REV1: variants seen among roughly 807,000 people sequenced by gnomAD.
REV1 encodes the protein translesion synthesis protein REV1.
A neutral mutation model predicts 137.4 loss-of-function variants in REV1; 42 were observed. The ratio of observed to expected loss-of-function variants is 0.31; its 90% CI spans 0.24 to 0.40. The LOEUF (loss-of-function observed/expected upper bound fraction) is 0.40. Ranked by LOEUF, REV1 falls within the 10% of genes least tolerant of loss-of-function variation. REV1 has a pLI of 1.00. For synonymous variants in REV1, 524 were observed against 519.2 expected (o/e 1.01, Z -0.12); for missense variants, 1,282 against 1,490.1 (o/e 0.86, Z 2.30).
At chr2:99,407,949 A>G (rs1396524932) in intron 15 of REV1, 80 bp downstream of exon 15, 7 of 813,420 alleles carry the variant, frequency 8.6e-6, no homozygotes, top group Non-Finnish European at 1.3e-5. Flanking sequence ...TACACCAGCA[A>G]TAACCCTTTT....
intron 9 of REV1, among the ~76,000 whole-genome samples, chr2:99,426,775 G>A (rs762010335): frequency 3.3e-5 from 5 of 152,140 alleles, no homozygotes; most frequent in African/African-American, 9.7e-5. Context: ...CCAAAACTTC[G>A]TTAAGTGTAT....
intron 22 of REV1, 108 bp downstream of exon 22, chr2:99,402,136 T>TTAACCCTAATGAG (rs1675549779): frequency 2.9e-5 from 17 of 585,674 alleles, no homozygotes; most frequent in Non-Finnish European, 4.6e-5. Context: ...CACTTTCTCA[T>TTAACCCTAATGAG]TAACCCTAAT....
At chr2:99,407,235 A>C (rs952931343) in intron 15 of REV1, among the ~76,000 whole-genome samples, 5 of 151,320 alleles carry the variant, frequency 3.3e-5, no homozygotes, top group African/African-American at 1.2e-4. Context: ...ACTATGAGGC[A>C]TGCACCACCA....
intron 1 of REV1, among the ~76,000 whole-genome samples, chr2:99,486,615 T>C (rs1288345180): frequency 6.6e-6 from 1 of 152,176 alleles, no homozygotes. Context: ...GTAGGTATTA[T>C]TACAGTCATC....
At chr2:99,417,136 A>C (rs919438877) in intron 12 of REV1, among the ~76,000 whole-genome samples, 3 of 151,820 alleles carry the variant, frequency 2.0e-5, no homozygotes, top group African/African-American at 7.3e-5. Context: ...ATGTGACTGT[A>C]TTTGTTTTTG....
rs919847060 is a variant in REV1 at position 99,401,223 on chromosome 2, C to T, written c.*18G>A. The stretch of plus-strand genomic sequence containing the variant: ...TTATGGCACAGCTATCAGAGAGCAT[C>T]AGGCTCTCTGGTAATATTTATGTAA... On this transcript the variant is annotated 3_prime_UTR_variant, in exon 23 of 23. Coordinates refer to ENST00000258428, the MANE Select transcript of REV1 (RefSeq NM_016316.4). 1.4e-6 allele frequency: 2 copies of T among 1,440,038 alleles called. No homozygotes were observed. The highest frequency in any genetic ancestry group is 9.8e-7 in the Non-Finnish European group (1 of 1,021,796). The allele number at this position is 1,440,038 out of a possible 1,614,324, so 89.2% of individuals were successfully genotyped here. A position where few individuals can be genotyped will look rare whatever the true frequency, so the allele number is the denominator to read the frequency against.
At chr2:99,418,698 G>A (rs570602444) in intron 12 of REV1, 130 bp downstream of exon 12, 13 of 698,390 alleles carry the variant, frequency 1.9e-5, no homozygotes, top group South Asian at 3.8e-5. Context: ...GTTTTTCATG[G>A]CACTCAATAA....
intron 9 of REV1, among the ~76,000 whole-genome samples, chr2:99,425,103 T>C (rs6723062): frequency 0.031 from 4,768 of 152,246 alleles, 194 homozygotes; most frequent in African/African-American, 0.094. Flanking sequence ...AAATTACATA[T>C]TATATAATAG....
At chr2:99,452,421 T>TAAA (rs577767878) in intron 3 of REV1, among the ~76,000 whole-genome samples, 12 of 125,436 alleles carry the variant, frequency 9.6e-5, no homozygotes, top group Admixed American at 4.2e-4. Flanking sequence ...AGAGCCTGTC[T>TAAA]AAAAAAAAAA....
intron 14 of REV1, among the ~76,000 whole-genome samples, chr2:99,408,983 C>A (rs1676722293): frequency 1.3e-5 from 2 of 152,144 alleles, no homozygotes; most frequent in African/African-American, 4.8e-5. Flanking sequence ...ATTACTTCAT[C>A]TGCTTATAGA....
chr2:99,445,692 A>T (rs1027015363), intron 4 of REV1, among the ~76,000 whole-genome samples: 1 of 152,218 alleles, frequency 6.6e-6, no homozygotes, highest in Non-Finnish European at 1.5e-5. Flanking sequence ...TTAATACACT[A>T]TGTACAAGTG....
intron 3 of REV1, among the ~76,000 whole-genome samples, chr2:99,454,550 CAAAAAAAAAAAAAAAAAAAAAA>C (rs373850478): frequency 6.1e-4 from 50 of 82,366 alleles, no homozygotes; most frequent in East Asian, 4.4e-3. Context: ...AACTCCAGCT[CAAAAAAAAAAAAAAAAAAAAAA>C]AAAAAAAAAA....
At chr2:99,406,734 G>T in intron 15 of REV1, 1 of 311,456 alleles carries the variant, frequency 3.2e-6, no homozygotes, top group Non-Finnish European at 5.8e-6. Context: ...TATACCAAAA[G>T]ATCTTTAAAA....
At chr2:99,453,025 G>A (rs932602415) in intron 3 of REV1, among the ~76,000 whole-genome samples, 1 of 152,152 alleles carries the variant, frequency 6.6e-6, no homozygotes, top group Non-Finnish European at 1.5e-5. Context: ...GGAATTAAGA[G>A]CTAAAAATTA....
chr2:99,450,724 C>A (rs1279943668), intron 3 of REV1, among the ~76,000 whole-genome samples: 3 of 152,006 alleles, frequency 2.0e-5, no homozygotes, highest in Non-Finnish European at 4.4e-5. Context: ...TTTATTTAAC[C>A]CAATATATCC....
intron 11 of REV1, among the ~76,000 whole-genome samples, chr2:99,421,130 G>A (rs1445437600): frequency 2.6e-5 from 4 of 152,062 alleles, no homozygotes; most frequent in Non-Finnish European, 5.9e-5. Flanking sequence ...TCCATGTGCC[G>A]GGAGGCTGAA....
intron 1 of REV1, among the ~76,000 whole-genome samples, chr2:99,484,323 T>A (rs1686925621): frequency 6.6e-6 from 1 of 152,058 alleles, no homozygotes; most frequent in Admixed American, 6.5e-5. Flanking sequence ...CAAACCCCCA[T>A]GACACTAGTT....
chr2:99,408,828 G>A (rs1676701409), intron 14 of REV1, among the ~76,000 whole-genome samples: 1 of 152,182 alleles, frequency 6.6e-6, no homozygotes, highest in African/African-American at 2.4e-5. Flanking sequence ...TCTTTCCAAA[G>A]GAAAGTTATT....
intron 9 of REV1, among the ~76,000 whole-genome samples, chr2:99,429,133 G>GA (rs982803786): frequency 1.3e-5 from 2 of 150,720 alleles, no homozygotes; most frequent in East Asian, 1.9e-4. Flanking sequence ...GGTTGACAAG[G>GA]AAAAAAAAAT....
Sources: gnomAD v4.1 joint callset for allele counts (sites outside exome capture counted in the v4.1 genomes callset) on GRCh38, gnomAD v4.1.1 for gene constraint, MANE v1.5 for transcripts, NCBI Gene and HGNC (gene_info 2026-07-23, HGNC 2026-07-21) for gene names.